Variants in PARD6G observed in about 807,000 individuals in gnomAD.
PARD6G encodes partitioning defective 6 homolog gamma.
A neutral mutation model predicts 10.7 loss-of-function variants in PARD6G; 7 were observed. The ratio of observed to expected loss-of-function variants is 0.66; its 90% CI spans 0.37 to 1.23. PARD6G has a LOEUF of 1.23. PARD6G is among the 50% of genes most tolerant of loss of function. PARD6G has a pLI of 0.02. For synonymous variants in PARD6G, 287 were observed against 269.4 expected (o/e 1.07, Z -0.64); for missense variants, 548 against 571.8 (o/e 0.96, Z 0.42).
intron 2 of PARD6G, among the ~76,000 whole-genome samples, chr18:80,190,907 C>G (rs1186863774): frequency 6.6e-6 from 1 of 152,130 alleles, no homozygotes; most frequent in Admixed American, 6.5e-5. Context: ...CCTATTTGCC[C>G]AAATTCTCTG....
chr18:80,214,929 C>CA (rs1221928280), intron 1 of PARD6G, among the ~76,000 whole-genome samples: 62 of 148,546 alleles, frequency 4.2e-4, no homozygotes, highest in African/African-American at 8.4e-4. Flanking sequence ...TGCAAACTGC[C>CA]AAAAAAAAGA....
chr18:80,173,502 G>A (rs1360680400), intron 2 of PARD6G, among the ~76,000 whole-genome samples: 1 of 152,106 alleles, frequency 6.6e-6, no homozygotes, highest in Non-Finnish European at 1.5e-5. Flanking sequence ...GCGAGCGCCT[G>A]TAATCCCAGC....
intron 2 of PARD6G, among the ~76,000 whole-genome samples, chr18:80,191,929 G>T (rs1487200969): frequency 6.6e-6 from 1 of 152,226 alleles, no homozygotes; most frequent in Non-Finnish European, 1.5e-5. Flanking sequence ...GGTTAGAAAA[G>T]ACTTGTTCCA....
chr18:80,165,758 T>A (rs1161312453), intron 2 of PARD6G, among the ~76,000 whole-genome samples: 1 of 152,208 alleles, frequency 6.6e-6, no homozygotes, highest in Non-Finnish European at 1.5e-5. Flanking sequence ...TGTTGAACTG[T>A]TAACCTCCAG....
intron 1 of PARD6G, among the ~76,000 whole-genome samples, chr18:80,240,976 A>AATGT (rs1404347351): frequency 6.6e-6 from 1 of 152,278 alleles, no homozygotes; most frequent in Admixed American, 6.5e-5. Context: ...TGAGTAAACA[A>AATGT]ATGTATGGAT....
chr18:80,186,546 CCT>C (rs2052880447), intron 2 of PARD6G, among the ~76,000 whole-genome samples: 1 of 152,000 alleles, frequency 6.6e-6, no homozygotes, highest in East Asian at 1.9e-4. Flanking sequence ...ACGCGCACAC[CCT>C]CACACACATG....
intron 2 of PARD6G, among the ~76,000 whole-genome samples, chr18:80,177,227 C>CACACACACAT (rs1427089056): frequency 6.8e-6 from 1 of 147,548 alleles, no homozygotes; most frequent in Non-Finnish European, 1.5e-5. Flanking sequence ...CGCACACACA[C>CACACACACAT]ACACACACAC....
rs1293207772 is a variant in PARD6G, at chr18:80,189,184, T to C, written c.295+13526A>G. 6.6e-6 allele frequency: 1 copy of C among 152,272 alleles called. No individual in the cohort carries two copies. The highest frequency in any genetic ancestry group is 1.5e-5 in the Non-Finnish European group (1 of 68,088). The allele number at this position is 152,272 out of a possible 1,614,324, so 9.4% of individuals were successfully genotyped here. A position where few individuals can be genotyped will look rare whatever the true frequency, so the allele number is the denominator to read the frequency against. On this transcript the variant is annotated intron_variant, in intron 2 of 2. Coordinates refer to ENST00000353265, the MANE Select transcript of PARD6G (RefSeq NM_032510.4). The surrounding 1 kb of genome is among the most constrained non-coding windows in gnomAD (Gnocchi z 5.5). ...ATAACCGTTGGCAGAAAAGCCCATA[T>C]TTAGAGCAGACCTCCTTCAGCAATT...
Position 80,232,067 on chromosome 18 carries a change from A to T in PARD6G, c.72+15210T>A, listed in dbSNP as rs1457369214. On this transcript the variant is annotated intron_variant, in intron 1 of 2. Coordinates refer to ENST00000353265, the MANE Select transcript of PARD6G (RefSeq NM_032510.4). The stretch of plus-strand genomic sequence containing the variant: ...GGTAGCTGTTTTTCAGGGCATTTTT[A>T]AAAAATGAAATAACCTTTTAGTAAT... 3.3e-5 allele frequency among the ~76,000 whole-genome samples: 5 copies of T among 152,310 alleles called. No homozygotes were observed. The East Asian group carries it at 7.7e-4, about 23-fold the overall frequency.
At chr18:80,224,740 G>A (rs1424813930) in intron 1 of PARD6G, among the ~76,000 whole-genome samples, 2 of 152,076 alleles carry the variant, frequency 1.3e-5, no homozygotes, top group Non-Finnish European at 2.9e-5. Context: ...CCAGCTACTT[G>A]GGAGGCTGAG....
rs754826656 is a variant in PARD6G, at chr18:80,181,241, G to C, written c.296-20635C>G. Reference sequence around the variant, plus strand: ...TGCACCAAGCATGCCAGGGACCCCAGGTCACACGCCCCTGGGGGATAGGAG... The same window carrying C: ...TGCACCAAGCATGCCAGGGACCCCACGTCACACGCCCCTGGGGGATAGGAG... On this transcript the variant is annotated intron_variant, in intron 2 of 2. Coordinates refer to ENST00000353265, the MANE Select transcript of PARD6G (RefSeq NM_032510.4). The surrounding 1 kb of genome is among the most constrained non-coding windows in gnomAD (Gnocchi z 7.9). Among the ~76,000 whole-genome samples, 2 of 152,202 alleles carry C rather than the reference G, an allele frequency of 1.3e-5. No individual in the cohort carries two copies. The highest frequency in any genetic ancestry group is 2.1e-4 in the South Asian group (1 of 4,820).
At chr18:80,162,354 T>A (rs2052706129) in intron 2 of PARD6G, 1 of 155,724 alleles carries the variant, frequency 6.4e-6, no homozygotes, top group African/African-American at 2.4e-5. Flanking sequence ...ATGTAACCCA[T>A]AAATATATAT....
chr18:80,238,862 G>A (rs1411085519), intron 1 of PARD6G, among the ~76,000 whole-genome samples: 3 of 151,786 alleles, frequency 2.0e-5, no homozygotes, highest in Non-Finnish European at 4.4e-5. Context: ...GAATCGGGGG[G>A]CGGGCGGGGG....
Position 80,181,196 on chromosome 18 carries a change from ACT to A in PARD6G, c.296-20592_296-20591del, listed in dbSNP as rs2052846911. On this transcript the variant is annotated intron_variant, in intron 2 of 2. Transcript: ENST00000353265. This position sits in a 1 kb window ranked among gnomAD's most constrained non-coding sequence, Gnocchi z 7.9. Reference sequence around the variant, plus strand: ...ACACCCACAGACAAGCCCTGCGTACACTGACCGTAGACTGGTGTGTGCACCAA... The same window carrying A: ...ACACCCACAGACAAGCCCTGCGTACAGACCGTAGACTGGTGTGTGCACCAA... 6.6e-6 allele frequency among the ~76,000 whole-genome samples: 1 copy of A among 152,088 alleles called. No individual in the cohort carries two copies. Among genetic ancestry groups the A allele is most frequent in the East Asian group, 1.9e-4 (1 of 5,186 alleles).
rs1423593055 is a variant in PARD6G, at chr18:80,183,844, T to C, written c.295+18866A>G. The C allele has an allele frequency of 1.3e-5, 2 of 152,242 alleles. No individual in the cohort carries two copies. The highest frequency in any genetic ancestry group is 4.8e-5 in the African/African-American group (2 of 41,438). The allele number at this position is 152,242 out of a possible 1,614,324, so 9.4% of individuals were successfully genotyped here. ...TTAAATGCCCCAAGTCAGAAGTCAA[T>C]TGGATGTCTCTGTCTGAGCTGAGAG... On this transcript the variant is annotated intron_variant, in intron 2 of 2. Coordinates refer to ENST00000353265, the MANE Select transcript of PARD6G (RefSeq NM_032510.4). This position sits in a 1 kb window ranked among gnomAD's most constrained non-coding sequence, Gnocchi z 4.5.
rs952538215 is a variant in PARD6G, at chr18:80,183,036, C to T, written c.295+19674G>A. 5 of 697,642 alleles carry T rather than the reference C, an allele frequency of 7.2e-6. No homozygotes were observed. The highest frequency in any genetic ancestry group is 3.0e-5 in the South Asian group (2 of 67,132). 43.2% of individuals were successfully genotyped at this position (697,642 alleles called of 1,614,324 possible). On this transcript the variant is annotated intron_variant, in intron 2 of 2. Transcript: ENST00000353265. The surrounding 1 kb of genome is among the most constrained non-coding windows in gnomAD (Gnocchi z 4.5). ...CTGGGGTCTCATGAGGGGCCAGCTG[C>T]GTGGGCCATCCATTCTCTACCATGG...
In PARD6G at chr18:80,175,735, C is replaced by T. The variant is rs2052804634; in HGVS notation, c.296-15129G>A. 6.2e-6 allele frequency: 1 copy of T among 161,246 alleles called. No homozygotes were observed. Among genetic ancestry groups the T allele is most frequent in the African/African-American group, 2.4e-5 (1 of 41,442 alleles). The allele number at this position is 161,246 out of a possible 1,614,324, so 10.0% of individuals were successfully genotyped here. On this transcript the variant is annotated intron_variant, in intron 2 of 2. Transcript: ENST00000353265. This position sits in a 1 kb window ranked among gnomAD's most constrained non-coding sequence, Gnocchi z 6.7. Reference sequence around the variant, plus strand: ...GTTTGGGCTTTTGCCAAATGTTCACCATCACAAAAAAACACCACAGCGAAC... The same window carrying T: ...GTTTGGGCTTTTGCCAAATGTTCACTATCACAAAAAAACACCACAGCGAAC...
Position 80,228,341 on chromosome 18 carries a change from G to T in PARD6G, c.72+18936C>A, listed in dbSNP as rs1036992326. Among the ~76,000 whole-genome samples, 1 of 152,066 alleles carries T rather than the reference G, an allele frequency of 6.6e-6. No homozygotes were observed. Among genetic ancestry groups the T allele is most frequent in the Admixed American group, 6.6e-5 (1 of 15,250 alleles). On this transcript the variant is annotated intron_variant, in intron 1 of 2. Transcript: ENST00000353265. This position sits in a 1 kb window ranked among gnomAD's most constrained non-coding sequence, Gnocchi z 4.6. ...AGGGGAGGGGAGTTCCCGGACACACGGTCCTGGAGAACACAGGCCACATGC... is the reference window on the plus strand; with the variant it reads ...AGGGGAGGGGAGTTCCCGGACACACTGTCCTGGAGAACACAGGCCACATGC...
At chr18:80,232,353 C>T (rs1486849885) in intron 1 of PARD6G, among the ~76,000 whole-genome samples, 1 of 152,176 alleles carries the variant, frequency 6.6e-6, no homozygotes, top group Non-Finnish European at 1.5e-5. Context: ...GTGCTCCTTG[C>T]ATGTATTAGT....
Sources: allele counts gnomAD v4.1 joint callset (sites outside exome capture counted in the v4.1 genomes callset), GRCh38; gene constraint gnomAD v4.1.1; non-coding constraint Gnocchi (gnomAD v3.1); transcripts MANE v1.5; gene names NCBI Gene and HGNC (gene_info 2026-07-23, HGNC 2026-07-21).